Variants in HMGCS1 observed in about 807,000 individuals in gnomAD.
HMGCS1 encodes the protein 3-hydroxy-3-methylglutaryl-CoA synthase 1.
In HMGCS1, 9 loss-of-function variants were observed where a neutral mutation model predicts 52.3. The ratio of observed to expected loss-of-function variants is 0.17; its 90% confidence interval spans 0.10 to 0.30. The LOEUF is 0.30. Among genes scored for constraint, HMGCS1 ranks in the 10% least tolerant of loss-of-function variants. HMGCS1 has a pLI of 1.00. For synonymous variants in HMGCS1, 176 were observed against 214.4 expected, an observed-to-expected ratio of 0.82 and a Z score of 1.57; for missense variants, 320 against 620.9, an observed-to-expected ratio of 0.52 and a Z score of 5.15.
chr5:43,305,131 C>T (rs1045909615), intron 2 of HMGCS1, among the ~76,000 whole-genome samples: 4 of 151,968 alleles, frequency 2.6e-5, no homozygotes, highest in Non-Finnish European at 4.4e-5. Context: ...GGATTACAGG[C>T]GGGTGCCACC....
intron 2 of HMGCS1, among the ~76,000 whole-genome samples, chr5:43,301,048 T>G (rs1215619881): frequency 6.6e-6 from 1 of 152,076 alleles, no homozygotes; most frequent in Non-Finnish European, 1.5e-5. Flanking sequence ...AATGGAGAAC[T>G]ACCTAACCCA....
chr5:43,292,700 C>T (rs768391982), intron 9 of HMGCS1, 63 bp from the exon 10 acceptor site: 4 of 1,537,436 alleles, frequency 2.6e-6, no homozygotes, highest in Non-Finnish European at 3.6e-6. Flanking sequence ...GGTAATAAAG[C>T]TAAAGATAAG....
chr5:43,302,086 G>A (rs955871157), intron 2 of HMGCS1, among the ~76,000 whole-genome samples: 2 of 152,180 alleles, frequency 1.3e-5, no homozygotes, highest in African/African-American at 2.4e-5. Context: ...AGCTGCTTTC[G>A]TTCCTGTCAT....
Position 43,290,626 on chromosome 5 carries a change from C to A in HMGCS1, c.*505G>T, listed in dbSNP as rs1474300056. On this transcript the variant is annotated 3_prime_UTR_variant, in exon 11 of 11. Coordinates refer to ENST00000325110, the MANE Select transcript of HMGCS1 (RefSeq NM_001098272.3). ...CTATTTTCAAAGGGTTTGTGCGTATCACATTTTACCACATTTTACCCCAAT... is the reference window on the plus strand; with the variant it reads ...CTATTTTCAAAGGGTTTGTGCGTATAACATTTTACCACATTTTACCCCAAT... 2.0e-5 allele frequency: 3 copies of A among 152,444 alleles called. No individual in the cohort carries two copies. Among genetic ancestry groups the A allele is most frequent in the Non-Finnish European group, 2.9e-5 (2 of 68,260 alleles). 9.4% of individuals were successfully genotyped at this position (152,444 alleles called of 1,614,324 possible). A position where few individuals can be genotyped will look rare whatever the true frequency, so the allele number is the denominator to read the frequency against.
At position 43,295,831 on chromosome 5, in the gene HMGCS1, C is replaced by A; in HGVS notation, c.826G>T (p.Ala276Ser). ...PYCKLVQKSLARMLLNDFLND... is the reference protein window; with the variant it reads ...PYCKLVQKSLSRMLLNDFLND... ...AGGAAGTCATTCAGCAACATCCGAG[C>A]TAGAGATTTCTGAACCAGTTTACAA... The change falls in exon 6 of 11, where the codon GCT becomes TCT. Residue 276 changes from alanine to serine, a missense_variant. This residue lies in a region of HMGCS1 where 213 missense variants were observed against 337.4 expected (regional missense o/e 0.63). Coordinates refer to ENST00000325110, the MANE Select transcript of HMGCS1 (RefSeq NM_001098272.3). The A allele has an allele frequency of 6.2e-7, 1 of 1,612,442 alleles. No homozygotes were observed. Among genetic ancestry groups the A allele is most frequent in the African/African-American group, 1.3e-5 (1 of 74,994 alleles).
chr5:43,292,128 A>AATTACAG (rs1230953893), intron 10 of HMGCS1, among the ~76,000 whole-genome samples: 2 of 150,886 alleles, frequency 1.3e-5, no homozygotes, highest in African/African-American at 4.9e-5. Context: ...GAGTAGCTGG[A>AATTACAG]ATTACAGGCA....
At chr5:43,300,906 T>A (rs1215195928) in intron 2 of HMGCS1, among the ~76,000 whole-genome samples, 1 of 151,698 alleles carries the variant, frequency 6.6e-6, no homozygotes, top group Admixed American at 6.6e-5. Flanking sequence ...AATGCCAACA[T>A]GTTACATACT....
chr5:43,295,368 C>T (rs112591666), intron 6 of HMGCS1, among the ~76,000 whole-genome samples: 5 of 152,166 alleles, frequency 3.3e-5, no homozygotes, highest in African/African-American at 1.2e-4. Context: ...GAGAAAAAGA[C>T]AGGTGGAGTA....
At position 43,292,536 on chromosome 5, in the gene HMGCS1, T is replaced by C. The variant is rs759136204; in HGVS notation, c.1411A>G (p.Thr471Ala). 1.2e-6 allele frequency: 2 copies of C among 1,613,954 alleles called. No individual in the cohort carries two copies. The highest frequency in any genetic ancestry group is 1.1e-5 in the South Asian group (1 of 91,076). Residue 471 changes from threonine to alanine, a missense_variant, in exon 10 of 11, where the codon ACT becomes GCT. Transcript: ENST00000325110. ...KHRRTYARRP[T>A]PNDDTLDEGV... is the part of the protein sequence containing the mutation. ...TCATCCAAAGTGTCATCATTTGGAGTGGGACGCCGAGCGTAAGTTCTTCTG... is the reference window on the plus strand; with the variant it reads ...TCATCCAAAGTGTCATCATTTGGAGCGGGACGCCGAGCGTAAGTTCTTCTG...
At chr5:43,308,253 T>C (rs1045228759) in intron 1 of HMGCS1, among the ~76,000 whole-genome samples, 1 of 152,194 alleles carries the variant, frequency 6.6e-6, no homozygotes, top group South Asian at 2.1e-4. Context: ...ATGTAACAGA[T>C]TGTGGCTTTG....
At chr5:43,310,788 T>C (rs972142561) in intron 1 of HMGCS1, among the ~76,000 whole-genome samples, 4 of 152,284 alleles carry the variant, frequency 2.6e-5, no homozygotes, top group African/African-American at 7.2e-5. Context: ...TCAAGGCATA[T>C]GGTAGGTTTC....
At chr5:43,304,486 T>A (rs1029740361) in intron 2 of HMGCS1, among the ~76,000 whole-genome samples, 1 of 152,388 alleles carries the variant, frequency 6.6e-6, no homozygotes, top group African/African-American at 2.4e-5. Context: ...TATTTAATTA[T>A]CCTTATAATG....
Position 43,292,962 on chromosome 5 carries a change from C to G in HMGCS1, c.1195G>C (p.Asp399His). 6.2e-7 allele frequency: 1 copy of G among 1,600,906 alleles called. No individual in the cohort carries two copies. The highest frequency in any genetic ancestry group is 8.5e-7 in the Non-Finnish European group (1 of 1,175,270). The change falls in exon 9 of 11, where the codon GAT becomes CAT. Residue 399 changes from aspartate (D) to histidine (H), a missense_variant. Transcript: ENST00000325110. ...TCACATAAACTTGCTGTTATTTTATCAAGAGCAGACCCTAAAATAGTGAAT... is the reference window on the plus strand; with the variant it reads ...TCACATAAACTTGCTGTTATTTTATGAAGAGCAGACCCTAAAATAGTGAAT... ...TQDATPGSAL[D>H]KITASLCDLK...
Position 43,298,240 on chromosome 5 carries a change from T to G in HMGCS1, c.449-106A>C. 9.6e-7 allele frequency: 1 copy of G among 1,039,176 alleles called. No individual in the cohort carries two copies. Among genetic ancestry groups the G allele is most frequent in the Non-Finnish European group, 1.4e-6 (1 of 720,770 alleles). 64.4% of individuals were successfully genotyped at this position (1,039,176 alleles called of 1,614,324 possible). A position where few individuals can be genotyped will look rare whatever the true frequency, so the allele number is the denominator to read the frequency against. On this transcript the variant is annotated intron_variant, in intron 3 of 10. Transcript: ENST00000325110. The surrounding 1 kb of genome is among the most constrained non-coding windows in gnomAD (Gnocchi z 5.6). ...CCCCAGAATATGCTTTTCCCTTCTT[T>G]GATAAAGAAAGAAAATGCTCTAATT...
At chr5:43,297,462 G>C (rs149261555) in intron 4 of HMGCS1, among the ~76,000 whole-genome samples, 1 of 152,288 alleles carries the variant, frequency 6.6e-6, no homozygotes, top group East Asian at 1.9e-4. Flanking sequence ...CTATCAGCAA[G>C]TTACTATTTA....
At position 43,303,521 on chromosome 5, in the gene HMGCS1, T is replaced by C. The variant is rs528519319; in HGVS notation, c.-11+4245A>G. On this transcript the variant is annotated intron_variant, in intron 2 of 10. Transcript: ENST00000325110. ...ATAAATGTCTGCTGTTTAAACCACC[T>C]ACTCTATGGTATTTTGCTGTGGCAC... 1.7e-4 allele frequency among the ~76,000 whole-genome samples: 26 copies of C among 152,342 alleles called. No homozygotes were observed. The South Asian group carries it at 3.9e-3, about 23-fold the overall frequency.
intron 2 of HMGCS1, among the ~76,000 whole-genome samples, chr5:43,301,403 A>G (rs535818533): frequency 6.6e-6 from 1 of 152,188 alleles, no homozygotes; most frequent in Non-Finnish European, 1.5e-5. Flanking sequence ...TAACATGGTG[A>G]TATTAGTTGT....
intron 1 of HMGCS1, among the ~76,000 whole-genome samples, chr5:43,312,744 T>G (rs186975868): frequency 1.3e-5 from 2 of 152,246 alleles, no homozygotes; most frequent in Admixed American, 1.3e-4. Flanking sequence ...TCTATGAGAT[T>G]TGAAGCAAGT....
chr5:43,297,339 A>T lies in HMGCS1; in HGVS notation c.575-173T>A, dbSNP rs536304382. 5.3e-5 allele frequency among the ~76,000 whole-genome samples: 8 copies of T among 152,362 alleles called. No homozygotes were observed. In the East Asian group the frequency reaches 1.5e-3, roughly 29 times the overall value. On this transcript the variant is annotated intron_variant, in intron 4 of 10. Transcript: ENST00000325110. ...TATAAGTGAAATGATACATAACAGT[A>T]TCCATGGACAGTCCTAAGACTCCTT... is the stretch of plus-strand genomic sequence containing the variant.
Sources: allele counts gnomAD v4.1 joint callset (sites outside exome capture counted in the v4.1 genomes callset), GRCh38; gene constraint gnomAD v4.1.1; regional missense constraint gnomAD v4.1.1; non-coding constraint Gnocchi (gnomAD v3.1); transcripts MANE v1.5; gene names NCBI Gene and HGNC (gene_info 2026-07-23, HGNC 2026-07-21).